Variants in KIFC3 observed in about 807,000 individuals in gnomAD.
KIFC3 encodes the protein kinesin-like protein KIFC3.
KIFC3 carries 60 observed loss-of-function variants against 101.8 expected under a neutral mutation model. The observed-to-expected ratio is 0.59, with a 90% confidence interval of 0.48 to 0.73. KIFC3 has a LOEUF of 0.73. Ranked by LOEUF, KIFC3 falls within the 30% of genes least tolerant of loss-of-function variation. The pLI is 0.00. For synonymous variants in KIFC3, 476 were observed against 482.7 expected (o/e 0.99, Z 0.18); for missense variants, 966 against 1,137.1 (o/e 0.85, Z 2.16).
chr16:57,788,768 C>A, intron 3 of KIFC3: 1 of 1,278,904 alleles, frequency 7.8e-7, no homozygotes, highest in Non-Finnish European at 1.0e-6. Context: ...AGGGAAGGAC[C>A]CTCGAGCCAG....
At position 57,771,583 on chromosome 16, in the gene KIFC3, G is replaced by A; in HGVS notation, c.485C>T (p.Thr162Ile). The A allele has an allele frequency of 6.2e-7, 1 of 1,613,552 alleles. No individual in the cohort carries two copies. Among genetic ancestry groups the A allele is most frequent in the Non-Finnish European group, 8.5e-7 (1 of 1,180,038 alleles). ...ACCTGGGCAGGGACCTGCTGGCTTT[G>A]TGCGCAGCTCTTGCAGCTCGGCCTC... ...RCEAELQELR[T>I]KPAGPCPGCE... Residue 162 changes from threonine (T) to isoleucine (I), a missense_variant, in exon 5 of 20, where the codon ACA (threonine) becomes ATA (isoleucine). By Grantham distance (89) the Thr-to-Ile change is moderately conservative. This residue lies in a region of KIFC3 where 277 missense variants were observed against 252.5 expected (regional missense o/e 1.10). Coordinates refer to ENST00000445690, the MANE Select transcript of KIFC3 (RefSeq NM_001130100.2).
chr16:57,809,119 A>G (rs890343166), intron 1 of KIFC3, among the ~76,000 whole-genome samples: 2 of 152,138 alleles, frequency 1.3e-5, no homozygotes, highest in Non-Finnish European at 2.9e-5. Context: ...CAAGACTCCC[A>G]TCTCTAAATT....
At chr16:57,776,327 A>ACCAC (rs2052082835) in intron 3 of KIFC3, 6 of 985,302 alleles carry the variant, frequency 6.1e-6, no homozygotes, top group Non-Finnish European at 6.0e-6. Flanking sequence ...TGGCTGTATG[A>ACCAC]CCACCGGCCA....
intron 16 of KIFC3, 88 bp from the exon 17 acceptor site, chr16:57,760,504 A>G: frequency 6.6e-7 from 1 of 1,510,906 alleles, no homozygotes; most frequent in Non-Finnish European, 9.0e-7. Flanking sequence ...GGGCCGTCAG[A>G]AGGCTTCCTG....
At chr16:57,824,995 A>T (rs946658684) in intron 1 of KIFC3, among the ~76,000 whole-genome samples, 12 of 152,114 alleles carry the variant, frequency 7.9e-5, no homozygotes, top group African/African-American at 2.4e-4. Flanking sequence ...TCCCAAGCCT[A>T]CTCAGATATC....
Position 57,798,787 on chromosome 16 carries a change from G to A in KIFC3, c.-39-505C>T, listed in dbSNP as rs927240328. ...ATTTCACTGAGGAGGGACTCAAAAG[G>A]GCCCTGACTGTGGCCAATGACAAGT... On this transcript the variant is annotated intron_variant, in intron 1 of 19. Coordinates refer to ENST00000445690, the MANE Select transcript of KIFC3 (RefSeq NM_001130100.2). Among the ~76,000 whole-genome samples, 3 of 152,198 alleles carry A rather than the reference G, an allele frequency of 2.0e-5. No individual in the cohort carries two copies. The East Asian group carries it at 5.8e-4, about 29-fold the overall frequency.
intron 1 of KIFC3, among the ~76,000 whole-genome samples, chr16:57,851,653 G>A (rs889677966): frequency 5.3e-5 from 8 of 150,522 alleles, no homozygotes; most frequent in African/African-American, 9.8e-5. Context: ...TGCAACCTCC[G>A]CCTTCCAGGT....
chr16:57,848,594 A>G (rs1330619615), intron 1 of KIFC3, among the ~76,000 whole-genome samples: 6 of 152,168 alleles, frequency 3.9e-5, no homozygotes, highest in African/African-American at 1.4e-4. Flanking sequence ...AGCCACTGCC[A>G]CTCCAGCCTG....
intron 1 of KIFC3, among the ~76,000 whole-genome samples, chr16:57,828,966 A>G (rs1401199593): frequency 1.3e-5 from 2 of 152,156 alleles, no homozygotes; most frequent in Non-Finnish European, 2.9e-5. Context: ...AGATGAGAAA[A>G]CTGAGGCCCA....
rs2967165 is a variant in KIFC3, at chr16:57,771,264, A to G, written c.699T>C (p.Leu233=). The part of the protein sequence containing the change: ...LAEKAQEEER[L]SRRLRDSHET... ...CGTGGCTGTCACGCAGGCGCCGACT[A>G]AGCCGCTCCTCCTCCTGTGCCTTCT... The change falls in exon 6 of 20, where the codon CTT becomes CTC. Residue 233 remains leucine, a synonymous_variant. Coordinates refer to ENST00000445690, the MANE Select transcript of KIFC3 (RefSeq NM_001130100.2). 0.81 allele frequency: 1,309,882 copies of G among 1,613,184 alleles called. 539,908 individuals are homozygous for G. The highest frequency in any genetic ancestry group is 0.85 in the Non-Finnish European group (998,399 of 1,180,012).
At chr16:57,789,721 TTG>T (rs1298715366) in intron 3 of KIFC3, among the ~76,000 whole-genome samples, 1 of 147,160 alleles carries the variant, frequency 6.8e-6, no homozygotes, top group Non-Finnish European at 1.5e-5. Flanking sequence ...CTGTGTTTCT[TTG>T]TTTTGTTTTG....
At chr16:57,763,684 G>A (rs1555600027) in intron 12 of KIFC3, among the ~76,000 whole-genome samples, 6 of 152,138 alleles carry the variant, frequency 3.9e-5, no homozygotes. Context: ...CCACCGGCAA[G>A]AGCTGGGCTC....
At chr16:57,785,794 T>G in intron 3 of KIFC3, 1 of 404,456 alleles carries the variant, frequency 2.5e-6, no homozygotes, top group Non-Finnish European at 3.9e-6. Context: ...GGCAACCAGG[T>G]GAGGGCTGGG....
intron 3 of KIFC3, among the ~76,000 whole-genome samples, chr16:57,794,690 C>G (rs1355804041): frequency 6.6e-6 from 1 of 152,172 alleles, no homozygotes; most frequent in Non-Finnish European, 1.5e-5. Context: ...AATCAACCAC[C>G]CCAAACCTGC....
At chr16:57,760,197 G>A (rs1057213663) in intron 17 of KIFC3, 85 bp downstream of exon 17, 24 of 1,485,054 alleles carry the variant, frequency 1.6e-5, no homozygotes, top group African/African-American at 4.2e-5. Flanking sequence ...GCTTCAGGAC[G>A]TCCCCGCCCA....
chr16:57,775,030 G>A lies in KIFC3; in HGVS notation c.316-2742C>T, dbSNP rs8049706. On this transcript the variant is annotated intron_variant, in intron 3 of 19. Coordinates refer to ENST00000445690, the MANE Select transcript of KIFC3 (RefSeq NM_001130100.2). ...GCCAGGCACTCAGACCCTGATGCAG[G>A]GAGAGTGGGGTTTGCCAGTGTTTGC... is the stretch of plus-strand genomic sequence containing the variant. 6.7e-3 allele frequency: 10,268 copies of A among 1,527,570 alleles called. 206 individuals are homozygous for A. The highest frequency in any genetic ancestry group is 0.046 in the African/African-American group (3,329 of 72,694). 94.6% of individuals were successfully genotyped at this position (1,527,570 alleles called of 1,614,324 possible).
chr16:57,784,204 G>A (rs1237069517), intron 3 of KIFC3, among the ~76,000 whole-genome samples: 1 of 152,254 alleles, frequency 6.6e-6, no homozygotes, highest in African/African-American at 2.4e-5. Flanking sequence ...TACAAAAGGG[G>A]CGTGCACAAA....
chr16:57,771,642 C>A lies in KIFC3; in HGVS notation c.426G>T (p.Glu142Asp), dbSNP rs777055941. ...LEKHRDLLMV[E>D]NERLRQEMRR... ...GCATCTCCTGCCTCAGTCGCTCATT[C>A]TCCACCATCAGCAGGTCCCGGTGCT... Residue 142 changes from glutamate to aspartate, a missense_variant, in exon 5 of 20, where the codon GAG (glutamate) becomes GAT (aspartate). Glu to Asp is a conservative substitution (Grantham distance 45). This residue lies in a region of KIFC3 where 277 missense variants were observed against 252.5 expected (regional missense o/e 1.10). Transcript: ENST00000445690. 6.2e-6 allele frequency: 10 copies of A among 1,613,238 alleles called. No homozygotes were observed. The highest frequency in any genetic ancestry group is 8.5e-6 in the Non-Finnish European group (10 of 1,179,908).
At chr16:57,843,471 G>A (rs1277183622) in intron 1 of KIFC3, among the ~76,000 whole-genome samples, 2 of 152,182 alleles carry the variant, frequency 1.3e-5, no homozygotes, top group Non-Finnish European at 2.9e-5. Context: ...GCCCTTGCCA[G>A]GAACTGATGG....
Sources: gnomAD v4.1 joint callset for allele counts (sites outside exome capture counted in the v4.1 genomes callset) on GRCh38, gnomAD v4.1.1 for gene constraint, gnomAD v4.1.1 regional missense constraint, MANE v1.5 for transcripts, NCBI Gene and HGNC (gene_info 2026-07-23, HGNC 2026-07-21) for gene names.